Variants in TLK1 observed in about 807,000 individuals in gnomAD.
TLK1 encodes the protein tousled like kinase 1.
TLK1 carries 24 observed loss-of-function variants against 105.3 expected under a neutral mutation model. That is an observed-to-expected ratio of 0.23 (90% confidence interval 0.17 to 0.32). TLK1 has a LOEUF of 0.32. TLK1 is among the 10% of genes least tolerant of loss of function. The probability of loss-of-function intolerance (pLI) is 1.00; values close to 1 mark genes in which losing one functional copy is unlikely to be tolerated. For missense variants in TLK1, 558 were observed against 910.5 expected, an observed-to-expected ratio of 0.61 and a Z score of 4.98; for synonymous variants, 321 against 310.4, an observed-to-expected ratio of 1.03 and a Z score of -0.36.
In TLK1 at chr2:171,174,013, G is replaced by A. The variant is rs115492119; in HGVS notation, c.-5-56156C>T. 3.6e-3 allele frequency among the ~76,000 whole-genome samples: 554 copies of A among 152,190 alleles called. 6 individuals are homozygous for A. The highest frequency in any genetic ancestry group is 0.012 in the African/African-American group (512 of 41,514). On this transcript the variant is annotated intron_variant, in intron 1 of 20. Transcript: ENST00000521943. ...TCCATCTCCTCCCATTCATTCATCTGTCCATCCATCCGTCCTTCTTCCATT... is the reference window on the plus strand; with the variant it reads ...TCCATCTCCTCCCATTCATTCATCTATCCATCCATCCGTCCTTCTTCCATT...
At chr2:171,216,732 A>G (rs1226470495) in intron 1 of TLK1, among the ~76,000 whole-genome samples, 2 of 152,152 alleles carry the variant, frequency 1.3e-5, no homozygotes, top group African/African-American at 4.8e-5. Flanking sequence ...TGGGCCCCCA[A>G]TCCAATATAA....
At chr2:171,209,151 C>T (rs1233135843) in intron 1 of TLK1, among the ~76,000 whole-genome samples, 9 of 152,034 alleles carry the variant, frequency 5.9e-5, no homozygotes, top group Admixed American at 5.9e-4. Flanking sequence ...TAGTGTGTTC[C>T]CTTTGTGTAA....
chr2:171,179,555 G>A (rs1328239758), intron 1 of TLK1, among the ~76,000 whole-genome samples: 1 of 152,168 alleles, frequency 6.6e-6, no homozygotes, highest in African/African-American at 2.4e-5. Flanking sequence ...AGGAGTAAGC[G>A]AAGAAGAGAA....
intron 14 of TLK1, among the ~76,000 whole-genome samples, chr2:171,007,651 T>C (rs901576536): frequency 1.3e-5 from 2 of 152,036 alleles, no homozygotes; most frequent in African/African-American, 4.8e-5. Flanking sequence ...TCTTGTTTCA[T>C]CTATTCCCTA....
chr2:171,083,224 TCTTCAGGTCC>T (rs745603508), intron 2 of TLK1, among the ~76,000 whole-genome samples: 31 of 152,304 alleles, frequency 2.0e-4, no homozygotes, highest in Non-Finnish European at 3.7e-4. Context: ...TTATTTGGGC[TCTTCAGGTCC>T]CTTCACAATT....
chr2:171,116,697 C>CAA (rs71008750), intron 2 of TLK1, among the ~76,000 whole-genome samples: 4 of 121,446 alleles, frequency 3.3e-5, no homozygotes, highest in Admixed American at 8.8e-5. Context: ...GAGACTCCCT[C>CAA]AAAAAAAAAA....
intron 2 of TLK1, among the ~76,000 whole-genome samples, chr2:171,106,151 G>T (rs1689913579): frequency 6.6e-6 from 1 of 152,294 alleles, no homozygotes; most frequent in South Asian, 2.1e-4. Flanking sequence ...CAAAAAGGCT[G>T]ATCTTGTAAG....
At chr2:171,225,321 G>T (rs1693878790) in intron 1 of TLK1, among the ~76,000 whole-genome samples, 1 of 151,976 alleles carries the variant, frequency 6.6e-6, no homozygotes, top group Non-Finnish European at 1.5e-5. Flanking sequence ...ACAGGCAAAG[G>T]ATCTGCACAA....
intron 7 of TLK1, chr2:171,054,081 C>T (rs937282253): frequency 1.3e-5 from 5 of 372,398 alleles, no homozygotes; most frequent in Non-Finnish European, 2.4e-5. Flanking sequence ...TACTGATGTT[C>T]CTCATTATAA....
At chr2:171,203,225 C>T (rs1693436554) in intron 1 of TLK1, among the ~76,000 whole-genome samples, 1 of 151,806 alleles carries the variant, frequency 6.6e-6, no homozygotes, top group South Asian at 2.1e-4. Context: ...ACCATCTTGG[C>T]CATTTTTATG....
intron 2 of TLK1, among the ~76,000 whole-genome samples, chr2:171,110,271 C>A (rs1215356745): frequency 1.3e-5 from 2 of 152,154 alleles, no homozygotes; most frequent in Non-Finnish European, 2.9e-5. Context: ...GGAGTTCAGA[C>A]CAGCCTGACC....
At chr2:171,012,532 G>A (rs547927393) in intron 13 of TLK1, among the ~76,000 whole-genome samples, 1 of 152,108 alleles carries the variant, frequency 6.6e-6, no homozygotes, top group African/African-American at 2.4e-5. Context: ...TGGCTGGAGT[G>A]CAGTGGCACG....
intron 10 of TLK1, among the ~76,000 whole-genome samples, chr2:171,048,710 G>A (rs1373423619): frequency 4.8e-5 from 2 of 41,896 alleles, no homozygotes; most frequent in South Asian, 2.6e-3. Flanking sequence ...AAGAAAAGTT[G>A]AATAAATCTG....
At chr2:171,001,023 C>G (rs757315403) in intron 18 of TLK1, among the ~76,000 whole-genome samples, 11 of 146,082 alleles carry the variant, frequency 7.5e-5, no homozygotes, top group Non-Finnish European at 1.4e-4. Context: ...ACCTTCTTTG[C>G]CATATCCACA....
intron 2 of TLK1, among the ~76,000 whole-genome samples, chr2:171,097,965 A>G (rs1689521339): frequency 6.6e-6 from 1 of 151,880 alleles, no homozygotes; most frequent in South Asian, 2.1e-4. Context: ...TGGGGCGGGG[A>G]GAGAGAGGGA....
In TLK1 at chr2:171,076,947, A is replaced by G. The variant is rs146054160; in HGVS notation, c.330+5834T>C. On this transcript the variant is annotated intron_variant, in intron 3 of 20. Coordinates refer to ENST00000431350, the MANE Select transcript of TLK1 (RefSeq NM_012290.5). ...AAAGAAAGAAAGAAAGAAAAAAGAA[A>G]CACTGGTACTCAAGAAACACGGGCT... Among the ~76,000 whole-genome samples, 879 of 152,008 alleles carry G rather than the reference A, an allele frequency of 5.8e-3. 8 individuals are homozygous for G. The highest frequency in any genetic ancestry group is 0.02 in the African/African-American group (814 of 41,478).
chr2:171,210,300 A>C (rs868373979), intron 1 of TLK1, among the ~76,000 whole-genome samples: 1 of 151,962 alleles, frequency 6.6e-6, no homozygotes, highest in Middle Eastern at 3.4e-3. Flanking sequence ...TATAGGAGAC[A>C]AGGGTTTCAC....
chr2:171,176,039 C>T (rs372424368), intron 1 of TLK1, among the ~76,000 whole-genome samples: 40 of 152,162 alleles, frequency 2.6e-4, no homozygotes, highest in African/African-American at 7.2e-4. Flanking sequence ...TGGGTTCAAG[C>T]GATTCTCCTG....
chr2:171,227,417 G>A (rs1437979210), intron 1 of TLK1, among the ~76,000 whole-genome samples: 1 of 152,156 alleles, frequency 6.6e-6, no homozygotes, highest in African/African-American at 2.4e-5. Context: ...AACTGCAGGA[G>A]AGCTTGTCTA....
Sources: gnomAD v4.1 joint callset for allele counts (sites outside exome capture counted in the v4.1 genomes callset) on GRCh38, gnomAD v4.1.1 for gene constraint, MANE v1.5 for transcripts, NCBI Gene and HGNC (gene_info 2026-07-23, HGNC 2026-07-21) for gene names.